Variants in TRPM4 observed in about 807,000 individuals in gnomAD.
TRPM4 encodes the protein transient receptor potential cation channel subfamily M member 4.
TRPM4 carries 124 observed loss-of-function variants against 135.6 expected under a neutral mutation model. The ratio of observed to expected loss-of-function variants is 0.91; its 90% CI spans 0.79 to 1.06. The LOEUF (loss-of-function observed/expected upper bound fraction) is 1.06, where lower values mean the gene tolerates loss of function less well. Ranked by LOEUF, TRPM4 falls within the 50% of genes least tolerant of loss-of-function variation. The pLI, the probability that TRPM4 is intolerant of heterozygous loss-of-function variation, is 0.00. For missense variants in TRPM4, 1,658 were observed against 1,671.4 expected, an observed-to-expected ratio of 0.99 and a Z score of 0.14; for synonymous variants, 745 against 705.6, an observed-to-expected ratio of 1.06 and a Z score of -0.88.
At chr19:49,168,870 A>C (rs778600997) in intron 6 of TRPM4, 134 bp downstream of exon 6, 1 of 1,051,246 alleles carries the variant, frequency 9.5e-7, no homozygotes, top group African/African-American at 1.6e-5. Context: ...GTCATTATTC[A>C]TGGTTTTAAA....
At chr19:49,208,027 AG>A (rs1227863217) in intron 20 of TRPM4, among the ~76,000 whole-genome samples, 3 of 152,150 alleles carry the variant, frequency 2.0e-5, no homozygotes, top group Non-Finnish European at 4.4e-5. Flanking sequence ...TCCACTGGAC[AG>A]GGGCCCTTCC....
At position 49,157,992 on chromosome 19, in the gene TRPM4, G is replaced by C. The variant is rs566431720; in HGVS notation, c.24+102G>C. 4 of 1,399,142 alleles carry C rather than the reference G, an allele frequency of 2.9e-6. No homozygotes were observed. The African/African-American group carries it at 5.6e-5, about 20-fold the overall frequency. 86.7% of individuals were successfully genotyped at this position (1,399,142 alleles called of 1,614,324 possible). On this transcript the variant is annotated intron_variant, in intron 1 of 24. Coordinates refer to ENST00000252826, the MANE Select transcript of TRPM4 (RefSeq NM_017636.4). ...GACACCCAGATTCCTGGGTCAGACG[G>C]AGGAGGGGGATGGGAGGGTCCAGGT...
chr19:49,210,158 C>A lies in TRPM4; in HGVS notation c.3132-51C>A. On this transcript the variant is annotated intron_variant, in intron 20 of 24. Transcript: ENST00000252826. This position sits in a 1 kb window ranked among gnomAD's most constrained non-coding sequence, Gnocchi z 4.1. ...GCCTGGCATCTAACCTTCGTCCTTG[C>A]CCCTGGCTGGGCCCTGACCTCAAGT... 6.3e-7 allele frequency: 1 copy of A among 1,591,324 alleles called. No individual in the cohort carries two copies. The highest frequency in any genetic ancestry group is 8.6e-7 in the Non-Finnish European group (1 of 1,159,120).
At chr19:49,169,699 G>A (rs1390587577) in intron 6 of TRPM4, among the ~76,000 whole-genome samples, 1 of 151,980 alleles carries the variant, frequency 6.6e-6, no homozygotes, top group Non-Finnish European at 1.5e-5. Context: ...TTACAGACGT[G>A]AGCCACTGCA....
At chr19:49,186,609 C>T (rs562208222) in intron 12 of TRPM4, among the ~76,000 whole-genome samples, 11 of 152,224 alleles carry the variant, frequency 7.2e-5, no homozygotes, top group South Asian at 2.1e-4. Flanking sequence ...CAGTGGCTCA[C>T]ACCTGTAATC....
chr19:49,196,784 T>C lies in TRPM4; in HGVS notation c.2555T>C (p.Leu852Pro), dbSNP rs1968667489. Residue 852 changes from leucine to proline, a missense_variant, in exon 17 of 25, where the codon CTG (leucine) becomes CCG (proline). This residue lies in a region of TRPM4 where 1,412 missense variants were observed against 1,408.7 expected (regional missense o/e 1.00). Transcript: ENST00000252826. ...GGCCCCGGGCCTGGCCATGCCTCAC[T>C]GAGCCAGCGCCTGCGCCTCTACCTC... ...SGGPGPGHAS[L>P]SQRLRLYLAD... The C allele has an allele frequency of 6.4e-7, 1 of 1,573,628 alleles. No homozygotes were observed. Among genetic ancestry groups the C allele is most frequent in the Non-Finnish European group, 8.6e-7 (1 of 1,167,616 alleles).
chr19:49,177,183 G>A (rs1037081370), intron 9 of TRPM4, among the ~76,000 whole-genome samples: 2 of 152,058 alleles, frequency 1.3e-5, no homozygotes, highest in African/African-American at 4.8e-5. Context: ...TGCAAGATGT[G>A]GTTTGAGGGG....
At chr19:49,180,703 C>T (rs1402914709) in intron 9 of TRPM4, among the ~76,000 whole-genome samples, 1 of 151,976 alleles carries the variant, frequency 6.6e-6, no homozygotes, top group African/African-American at 2.4e-5. Context: ...ACCCTGCCTT[C>T]CATTATGGCC....
At chr19:49,208,642 TGATA>T (rs1246560719) in intron 20 of TRPM4, among the ~76,000 whole-genome samples, 2 of 152,162 alleles carry the variant, frequency 1.3e-5, no homozygotes, top group Non-Finnish European at 2.9e-5. Context: ...AACTAATGAT[TGATA>T]TTCATATATA....
chr19:49,205,631 G>T (rs2145983417), intron 20 of TRPM4, among the ~76,000 whole-genome samples: 1 of 150,132 alleles, frequency 6.7e-6, no homozygotes, highest in Middle Eastern at 3.5e-3. Context: ...CACCTCCTGG[G>T]TTCAAGGGAT....
chr19:49,205,211 G>A (rs1050710541), intron 20 of TRPM4, among the ~76,000 whole-genome samples: 1 of 151,978 alleles, frequency 6.6e-6, no homozygotes, highest in Non-Finnish European at 1.5e-5. Context: ...GATGCTAGAG[G>A]TCCAAAATCA....
chr19:49,211,398 C>T lies in TRPM4; in HGVS notation c.3641-96C>T. 1.3e-6 allele frequency: 2 copies of T among 1,599,932 alleles called. No individual in the cohort carries two copies. The highest frequency in any genetic ancestry group is 1.1e-5 in the South Asian group (1 of 90,848). On this transcript the variant is annotated intron_variant, in intron 24 of 24. Transcript: ENST00000252826. This position sits in a 1 kb window ranked among gnomAD's most constrained non-coding sequence, Gnocchi z 4.8. Reference sequence around the variant, plus strand: ...GTCTCCTTTGAGCCTTTTGTACTCTCGCCTTCGTCTTTCTTCTTTTTTGCC... The same window carrying T: ...GTCTCCTTTGAGCCTTTTGTACTCTTGCCTTCGTCTTTCTTCTTTTTTGCC...
At chr19:49,161,433 C>T (rs1426836062) in intron 2 of TRPM4, among the ~76,000 whole-genome samples, 1 of 150,328 alleles carries the variant, frequency 6.7e-6, no homozygotes, top group East Asian at 2.0e-4. Flanking sequence ...AGCGATCCTC[C>T]CACATGAGCC....
chr19:49,200,054 C>G (rs16981146), intron 17 of TRPM4, among the ~76,000 whole-genome samples: 1 of 152,162 alleles, frequency 6.6e-6, no homozygotes, highest in Non-Finnish European at 1.5e-5. Flanking sequence ...GGGACCAGCT[C>G]TTTGCTAAGG....
chr19:49,198,753 C>A (rs1310067255), intron 17 of TRPM4, among the ~76,000 whole-genome samples: 1 of 148,390 alleles, frequency 6.7e-6, no homozygotes, highest in Admixed American at 6.7e-5. Flanking sequence ...CATTTAGGTT[C>A]TCTCTTTCTT....
intron 19 of TRPM4, 101 bp downstream of exon 19, chr19:49,200,886 C>A: frequency 7.8e-7 from 1 of 1,277,108 alleles, no homozygotes. Context: ...CTCTCTGAGT[C>A]TCTGTCTCCC....
At chr19:49,201,866 G>T in intron 19 of TRPM4, 98 bp from the exon 20 acceptor site, 1 of 1,288,468 alleles carries the variant, frequency 7.8e-7, no homozygotes, top group Non-Finnish European at 1.1e-6. Context: ...TCCCAAAAGT[G>T]CTGGGATTAC....
chr19:49,168,737 G>A lies in TRPM4; in HGVS notation c.796+1G>A, dbSNP rs757709257. 3.2e-6 allele frequency: 5 copies of A among 1,583,090 alleles called. No individual in the cohort carries two copies. The Admixed American group carries it at 9.1e-5, about 29-fold the overall frequency. On this transcript the variant is annotated splice_donor_variant, in intron 6 of 24. Coordinates refer to ENST00000252826, the MANE Select transcript of TRPM4 (RefSeq NM_017636.4). LOFTEE classifies it high-confidence loss of function. The stretch of plus-strand genomic sequence containing the variant: ...TCACAGCAGAAGACGGGCGTGGGAG[G>A]TGAGTGGTCGAACCCATGACCCACA...
rs1202778917 is a variant in TRPM4 at position 49,209,776 on chromosome 19, T to G, written c.3132-433T>G. On this transcript the variant is annotated intron_variant, in intron 20 of 24. Coordinates refer to ENST00000252826, the MANE Select transcript of TRPM4 (RefSeq NM_017636.4). ...TTTTTTTTTTTTTTTTGAGATGGAG[T>G]CTTACTCTGTCTCCCAGGCTGGAGT... Among the ~76,000 whole-genome samples the G allele has an allele frequency of 3.0e-5, 4 of 134,850 alleles. No homozygotes were observed. The Admixed American group carries it at 3.3e-4, about 11-fold the overall frequency. The allele number at this position is 134,850 out of a possible 152,430, so 88.5% of individuals were successfully genotyped here. A position where few individuals can be genotyped will look rare whatever the true frequency, so the allele number is the denominator to read the frequency against.
Sources: allele counts gnomAD v4.1 joint callset (sites outside exome capture counted in the v4.1 genomes callset), GRCh38; gene constraint gnomAD v4.1.1; regional missense constraint gnomAD v4.1.1; non-coding constraint Gnocchi (gnomAD v3.1); transcripts MANE v1.5; gene names NCBI Gene and HGNC (gene_info 2026-07-23, HGNC 2026-07-21).